ADAMTS17: variants seen among roughly 807,000 people sequenced by gnomAD.
ADAMTS17 encodes the protein A disintegrin and metalloproteinase with thrombospondin motifs 17.
Under a neutral mutation model 141.5 loss-of-function variants are expected in ADAMTS17, and 113 were observed. The observed-to-expected ratio is 0.80, with a 90% confidence interval of 0.69 to 0.93. ADAMTS17 has a LOEUF of 0.93. Ranked by LOEUF, ADAMTS17 falls within the 40% of genes least tolerant of loss-of-function variation. The pLI, the probability that ADAMTS17 is intolerant of heterozygous loss-of-function variation, is 0.00. For missense variants in ADAMTS17, 1,659 were observed against 1,517.9 expected (o/e 1.09, Z -1.54); for synonymous variants, 768 against 630.6 (o/e 1.22, Z -3.27).
chr15:100,248,211 A>G (rs911738345), intron 7 of ADAMTS17, among the ~76,000 whole-genome samples: 7 of 152,146 alleles, frequency 4.6e-5, no homozygotes, highest in Admixed American at 2.6e-4. Flanking sequence ...AGGCCCTTCC[A>G]TTAATTAAAA....
At chr15:100,067,280 T>A (rs904834094) in intron 15 of ADAMTS17, among the ~76,000 whole-genome samples, 3 of 151,782 alleles carry the variant, frequency 2.0e-5, no homozygotes, top group Non-Finnish European at 4.4e-5. Context: ...CTCAGCAATA[T>A]TCCTTCAACA....
At chr15:100,116,784 G>C (rs201196357) in intron 13 of ADAMTS17, 63 bp downstream of exon 13, 323 of 1,610,180 alleles carry the variant, frequency 2.0e-4, no homozygotes, top group Non-Finnish European at 2.1e-4. Context: ...TTCCCTAGGT[G>C]GTTTTTATAT....
chr15:100,317,103 G>A (rs982464506), intron 3 of ADAMTS17, among the ~76,000 whole-genome samples: 2 of 152,178 alleles, frequency 1.3e-5, no homozygotes, highest in Non-Finnish European at 2.9e-5. Flanking sequence ...CCTTCCTAAA[G>A]GGTAAGTGTC....
At chr15:100,255,027 T>C (rs1226026736) in intron 6 of ADAMTS17, among the ~76,000 whole-genome samples, 5 of 150,602 alleles carry the variant, frequency 3.3e-5, no homozygotes, top group African/African-American at 1.2e-4. Flanking sequence ...AAAAAAAAAC[T>C]GTCTTCCTTA....
intron 18 of ADAMTS17, among the ~76,000 whole-genome samples, chr15:100,003,544 T>C (rs1204254730): frequency 5.9e-5 from 9 of 152,106 alleles, no homozygotes; most frequent in Admixed American, 5.9e-4. Context: ...TGAATGGCTA[T>C]GTGGATAGAT....
intron 13 of ADAMTS17, 149 bp from the exon 14 acceptor site, chr15:100,109,265 A>T (rs2141098753): frequency 1.1e-6 from 1 of 920,480 alleles, no homozygotes; most frequent in Non-Finnish European, 1.5e-6. Flanking sequence ...GCGCTCCAGG[A>T]AGCGGAAAAA....
intron 18 of ADAMTS17, among the ~76,000 whole-genome samples, chr15:100,039,665 G>C (rs572761325): frequency 1.9e-4 from 29 of 152,146 alleles, no homozygotes; most frequent in Admixed American, 1.9e-3. Context: ...CCTAGTGTAT[G>C]ATCTATTCTG....
At position 99,974,409 on chromosome 15, in the gene ADAMTS17, T is replaced by G. The variant is rs2573652; in HGVS notation, c.3281A>C (p.Asn1094Thr). The G allele has an allele frequency of 6.2e-7, 1 of 1,613,946 alleles. No homozygotes were observed. The highest frequency in any genetic ancestry group is 8.5e-7 in the Non-Finnish European group (1 of 1,179,972). ...YANKMRQPPP[N>T]S Reference sequence around the variant, plus strand: ...GACCCTTGGGACTGCGTGTCACGAGTTCGGCGGTGGCTGGCGCATCTTGTT... The same window carrying G: ...GACCCTTGGGACTGCGTGTCACGAGGTCGGCGGTGGCTGGCGCATCTTGTT... The change falls in exon 22 of 22, where the codon AAC becomes ACC. Residue 1094 changes from asparagine (N) to threonine (T), a missense_variant. Coordinates refer to ENST00000268070, the MANE Select transcript of ADAMTS17 (RefSeq NM_139057.4).
chr15:99,976,228 G>A lies in ADAMTS17; in HGVS notation c.2950-6C>T, dbSNP rs1447997408. The A allele has an allele frequency of 1.1e-5, 17 of 1,544,016 alleles. No individual in the cohort carries two copies. Among genetic ancestry groups the A allele is most frequent in the African/African-American group, 1.4e-5 (1 of 72,962 alleles). ...TTCCCGCAGGTCGACGAGCACTGCA[G>A]AGACAGGACAGCCTGAGTGGGGCTG... is the stretch of plus-strand genomic sequence containing the variant. On this transcript the variant is annotated splice_region_variant and splice_polypyrimidine_tract_variant and intron_variant, in intron 20 of 21. Transcript: ENST00000268070.
At chr15:100,247,432 G>A (rs938611928) in intron 7 of ADAMTS17, among the ~76,000 whole-genome samples, 2 of 152,128 alleles carry the variant, frequency 1.3e-5, no homozygotes, top group African/African-American at 4.8e-5. Flanking sequence ...CACCCTCACA[G>A]AATGAAGACA....
chr15:100,172,534 ACCT>A (rs916909217), intron 8 of ADAMTS17, among the ~76,000 whole-genome samples: 5 of 151,962 alleles, frequency 3.3e-5, no homozygotes, highest in Non-Finnish European at 7.4e-5. Flanking sequence ...ACCTCTGGTC[ACCT>A]CCTCTGTCCT....
intron 12 of ADAMTS17, chr15:100,126,239 T>A (rs965034384): frequency 1.3e-5 from 2 of 152,206 alleles, no homozygotes; most frequent in African/African-American, 4.8e-5. Context: ...ACCCAAGGCC[T>A]GTCCCGCCTC....
intron 6 of ADAMTS17, among the ~76,000 whole-genome samples, chr15:100,259,265 C>A (rs1246022521): frequency 2.0e-5 from 3 of 152,204 alleles, no homozygotes; most frequent in Non-Finnish European, 4.4e-5. Context: ...TATGATCATG[C>A]ACAGACACGG....
chr15:100,077,634 C>T, intron 15 of ADAMTS17, among the ~76,000 whole-genome samples: 1 of 152,098 alleles, frequency 6.6e-6, no homozygotes, highest in Non-Finnish European at 1.5e-5. Flanking sequence ...TGATAAAGGG[C>T]ATCTACAAAA....
At chr15:100,268,634 TG>T in intron 4 of ADAMTS17, among the ~76,000 whole-genome samples, 1 of 152,354 alleles carries the variant, frequency 6.6e-6, no homozygotes, top group South Asian at 2.1e-4. Flanking sequence ...CACTTTTTAA[TG>T]GGGTTGCTTT....
intron 18 of ADAMTS17, among the ~76,000 whole-genome samples, chr15:100,022,299 C>T (rs768143573): frequency 1.3e-5 from 2 of 152,158 alleles, no homozygotes; most frequent in African/African-American, 4.8e-5. Context: ...TTAGCCACAG[C>T]CCCCACCTCC....
chr15:100,170,528 T>C (rs76700773), intron 8 of ADAMTS17, among the ~76,000 whole-genome samples: 1,869 of 152,320 alleles, frequency 0.012, 33 homozygotes, highest in African/African-American at 0.042. Context: ...ATACATCAAA[T>C]TGGGAACCAT....
In ADAMTS17 at chr15:100,124,178, C is replaced by A. The variant is rs532177492; in HGVS notation, c.1722-7165G>T. ...ATGGGGTCTCATCATGCTGGCCAGG[C>A]TAGTCATGAACTCCTGGCCTCAGGT... On this transcript the variant is annotated intron_variant, in intron 12 of 21. Coordinates refer to ENST00000268070, the MANE Select transcript of ADAMTS17 (RefSeq NM_139057.4). Among the ~76,000 whole-genome samples the A allele has an allele frequency of 2.9e-3, 448 of 152,190 alleles. 1 individual carries two copies. The highest frequency in any genetic ancestry group is 0.01 in the African/African-American group (422 of 41,526).
chr15:100,334,967 C>T (rs2046165109), intron 2 of ADAMTS17, among the ~76,000 whole-genome samples: 1 of 152,070 alleles, frequency 6.6e-6, no homozygotes, highest in African/African-American at 2.4e-5. Flanking sequence ...CTAAGTGCTC[C>T]CCTCGTTCAG....
Sources: gnomAD v4.1 joint callset for allele counts (sites outside exome capture counted in the v4.1 genomes callset) on GRCh38, gnomAD v4.1.1 for gene constraint, MANE v1.5 for transcripts, NCBI Gene and HGNC (gene_info 2026-07-23, HGNC 2026-07-21) for gene names.